Variants in RERE observed in about 807,000 individuals in gnomAD.
RERE encodes the protein arginine-glutamic acid dipeptide repeats, also known as arginine-glutamic acid dipeptide repeats protein.
In RERE, 40 loss-of-function variants were observed where a neutral mutation model predicts 146.1. The ratio of observed to expected loss-of-function variants is 0.27; its 90% CI spans 0.21 to 0.36. The LOEUF (loss-of-function observed/expected upper bound fraction) is 0.36. RERE is among the 10% of genes least tolerant of loss of function. RERE has a pLI of 1.00. For synonymous variants in RERE, 1,003 were observed against 866.0 expected (o/e 1.16, Z -2.78); for missense variants, 1,933 against 2,138.7 (o/e 0.90, Z 1.90).
chr1:8,771,897 G>A (rs560593887), intron 1 of RERE, among the ~76,000 whole-genome samples: 2 of 129,986 alleles, frequency 1.5e-5, no homozygotes, highest in South Asian at 2.4e-4. Flanking sequence ...GTGACAGAGT[G>A]AGACTCTGTC....
chr1:8,606,140 G>A (rs888049641), intron 4 of RERE, among the ~76,000 whole-genome samples: 5 of 151,984 alleles, frequency 3.3e-5, no homozygotes, highest in African/African-American at 1.2e-4. Context: ...ACATTACATA[G>A]GTGAAGCTAG....
At chr1:8,358,129 C>G in intron 20 of RERE, 67 bp downstream of exon 20, 1 of 1,526,408 alleles carries the variant, frequency 6.6e-7, no homozygotes, top group Admixed American at 2.0e-5. Context: ...TGGATGGTGA[C>G]TGTCACTCAT....
chr1:8,450,436 G>C (rs868786047), intron 11 of RERE, among the ~76,000 whole-genome samples: 2 of 150,776 alleles, frequency 1.3e-5, no homozygotes, highest in African/African-American at 4.9e-5. Context: ...GACCAGCATA[G>C]CACACGCTTC....
chr1:8,533,651 T>C (rs1216609475), intron 7 of RERE, among the ~76,000 whole-genome samples: 1 of 152,266 alleles, frequency 6.6e-6, no homozygotes, highest in Non-Finnish European at 1.5e-5. Flanking sequence ...GGTTTCCCTG[T>C]TACTCCCCTC....
chr1:8,583,709 T>G (rs1308668181), intron 4 of RERE, among the ~76,000 whole-genome samples: 1 of 151,522 alleles, frequency 6.6e-6, no homozygotes, highest in Admixed American at 6.6e-5. Context: ...ATAATTTAAA[T>G]AAATTAAAGA....
intron 10 of RERE, among the ~76,000 whole-genome samples, chr1:8,480,505 G>A (rs1483742956): frequency 1.3e-5 from 2 of 150,160 alleles, no homozygotes; most frequent in South Asian, 2.1e-4. Flanking sequence ...GCATGATCTC[G>A]GCTCACTGCA....
intron 7 of RERE, among the ~76,000 whole-genome samples, chr1:8,534,976 C>T (rs1334613951): frequency 2.0e-5 from 3 of 152,118 alleles, no homozygotes; most frequent in Non-Finnish European, 2.9e-5. Context: ...CAGTGGCATA[C>T]ACCAGTAGTC....
At chr1:8,489,273 T>C (rs1644944624) in intron 10 of RERE, among the ~76,000 whole-genome samples, 1 of 151,896 alleles carries the variant, frequency 6.6e-6, no homozygotes, top group Admixed American at 6.6e-5. Context: ...GGCAGGAGGA[T>C]TGCTTGAGCT....
intron 4 of RERE, among the ~76,000 whole-genome samples, chr1:8,579,631 A>G (rs769274030): frequency 3.3e-5 from 5 of 152,268 alleles, no homozygotes; most frequent in Admixed American, 6.5e-5. Context: ...TCTGGTAACT[A>G]TAACTCAAAT....
At chr1:8,694,428 A>G (rs1486521446) in intron 1 of RERE, among the ~76,000 whole-genome samples, 2 of 152,196 alleles carry the variant, frequency 1.3e-5, no homozygotes, top group South Asian at 2.1e-4. Flanking sequence ...AAGGAGGGGG[A>G]AAATCTCTGC....
At chr1:8,564,787 G>A (rs1295121340) in intron 4 of RERE, among the ~76,000 whole-genome samples, 1 of 148,866 alleles carries the variant, frequency 6.7e-6, no homozygotes, top group African/African-American at 2.5e-5. Context: ...AATGAATGGA[G>A]ACAGAAAATG....
At chr1:8,572,488 G>C (rs1338650359) in intron 4 of RERE, among the ~76,000 whole-genome samples, 1 of 152,144 alleles carries the variant, frequency 6.6e-6, no homozygotes. Context: ...AAACTTCTGG[G>C]CTAAGAGGTA....
chr1:8,660,882 A>T (rs1638440597), intron 1 of RERE, among the ~76,000 whole-genome samples: 1 of 152,244 alleles, frequency 6.6e-6, no homozygotes, highest in East Asian at 1.9e-4. Context: ...GATTTACAAC[A>T]AGCTTCAGCT....
At chr1:8,681,563 A>C (rs953544169) in intron 1 of RERE, among the ~76,000 whole-genome samples, 1 of 152,234 alleles carries the variant, frequency 6.6e-6, no homozygotes, top group Non-Finnish European at 1.5e-5. Context: ...ATATGAGTTG[A>C]AACCTCAAAT....
intron 2 of RERE, among the ~76,000 whole-genome samples, chr1:8,646,644 T>A (rs72855863): frequency 0.018 from 2,734 of 152,176 alleles, 102 homozygotes; most frequent in African/African-American, 0.064. Context: ...TTAGTTAACA[T>A]TAAGTAAGGT....
intron 6 of RERE, among the ~76,000 whole-genome samples, chr1:8,546,023 T>G (rs1179615801): frequency 8.3e-6 from 1 of 120,234 alleles, no homozygotes; most frequent in East Asian, 3.2e-4. Context: ...AGGGTCTCCC[T>G]CTGTCACTTG....
At chr1:8,786,591 T>C (rs564405611) in intron 1 of RERE, 24 of 768,856 alleles carry the variant, frequency 3.1e-5, no homozygotes, top group East Asian at 4.9e-5. Context: ...CACTGAAGAT[T>C]TGATAAAGGC....
At chr1:8,647,657 G>A (rs1032275297) in intron 2 of RERE, among the ~76,000 whole-genome samples, 13 of 151,302 alleles carry the variant, frequency 8.6e-5, no homozygotes, top group African/African-American at 2.4e-5. Flanking sequence ...GTGTGTGTGT[G>A]TGTGTGTGTG....
At chr1:8,606,141 G>C in intron 4 of RERE, among the ~76,000 whole-genome samples, 1 of 152,078 alleles carries the variant, frequency 6.6e-6, no homozygotes, top group East Asian at 1.9e-4. Flanking sequence ...CATTACATAG[G>C]TGAAGCTAGT....
Sources: gnomAD v4.1 joint callset for allele counts (sites outside exome capture counted in the v4.1 genomes callset) on GRCh38, gnomAD v4.1.1 for gene constraint, MANE v1.5 for transcripts, NCBI Gene and HGNC (gene_info 2026-07-23, HGNC 2026-07-21) for gene names.